Variants in SMYD1 observed in about 807,000 individuals in gnomAD.
The protein encoded by SMYD1 is SET and MYND domain containing 1.
A neutral mutation model predicts 54.0 loss-of-function variants in SMYD1; 49 were observed. That is an observed-to-expected ratio of 0.91 (90% confidence interval 0.72 to 1.15). The LOEUF is 1.15. SMYD1 is among the 50% of genes most tolerant of loss of function. The pLI, the probability that SMYD1 is intolerant of heterozygous loss-of-function variation, is 0.00. For synonymous variants in SMYD1, 269 were observed against 234.2 expected, an observed-to-expected ratio of 1.15 and a Z score of -1.36; for missense variants, 653 against 639.6, an observed-to-expected ratio of 1.02 and a Z score of -0.23.
chr2:88,068,002 G>C lies in SMYD1; in HGVS notation c.137+1G>C. The C allele has an allele frequency of 5.0e-6, 8 of 1,612,404 alleles. No homozygotes were observed. The highest frequency in any genetic ancestry group is 6.8e-6 in the Non-Finnish European group (8 of 1,179,414). ...CTTATTCCGCAGTGGTTTTTGACAGGTATGAAATGTGGGGAGTTGCCTTCT... is the reference window on the plus strand; with the variant it reads ...CTTATTCCGCAGTGGTTTTTGACAGCTATGAAATGTGGGGAGTTGCCTTCT... On this transcript the variant is annotated splice_donor_variant, in intron 1 of 9. Transcript: ENST00000419482. LOFTEE classifies it high-confidence loss of function.
chr2:88,096,520 T>C lies in SMYD1; in HGVS notation c.699-75T>C, dbSNP rs932290397. ...TCATTGTCTTTGAGACCCAACTCCA[T>C]GAAGCCTTGGAGAGCACGGATCCCA... is the stretch of plus-strand genomic sequence containing the variant. On this transcript the variant is annotated intron_variant, in intron 5 of 9. Transcript: ENST00000419482. 4.3e-5 allele frequency: 57 copies of C among 1,316,524 alleles called. No individual in the cohort carries two copies. In the Admixed American group the frequency reaches 1.2e-3, roughly 29 times the overall value. The allele number at this position is 1,316,524 out of a possible 1,614,324, so 81.6% of individuals were successfully genotyped here.
chr2:88,077,403 G>A (rs6718366), intron 1 of SMYD1, among the ~76,000 whole-genome samples: 5,843 of 152,324 alleles, frequency 0.038, 169 homozygotes, highest in Admixed American at 0.053. Flanking sequence ...CCGGCGTCAG[G>A]GACCCTTAAG....
rs756217978 is a variant in SMYD1 at position 88,074,662 on chromosome 2, A to T, written c.137+6661A>T. ...AAGGACAGTTAGTGGATTTTTTTTT[A>T]AAAGTTCTTTAAATAAAAACTTGAG... On this transcript the variant is annotated intron_variant, in intron 1 of 9. Transcript: ENST00000419482. 2.1e-4 allele frequency among the ~76,000 whole-genome samples: 32 copies of T among 152,304 alleles called. 1 individual carries two copies. Among genetic ancestry groups the T allele is most frequent in the South Asian group, 1.7e-3 (8 of 4,824 alleles).
intron 6 of SMYD1, among the ~76,000 whole-genome samples, chr2:88,098,979 G>A (rs1397942289): frequency 6.6e-6 from 1 of 152,148 alleles, no homozygotes; most frequent in East Asian, 1.9e-4. Context: ...TTTAAAACGG[G>A]AAAATAATAG....
chr2:88,079,658 A>G (rs1350760407), intron 1 of SMYD1, among the ~76,000 whole-genome samples: 1 of 152,086 alleles, frequency 6.6e-6, no homozygotes, highest in Non-Finnish European at 1.5e-5. Context: ...CGTCTGTACT[A>G]AAAAATACAA....
chr2:88,091,266 G>C, intron 4 of SMYD1, 124 bp downstream of exon 4: 1 of 1,024,186 alleles, frequency 9.8e-7, no homozygotes, highest in Non-Finnish European at 1.4e-6. Flanking sequence ...TAAATGTATA[G>C]CACATAGAAA....
intron 9 of SMYD1, among the ~76,000 whole-genome samples, chr2:88,109,561 G>A (rs538800182): frequency 6.6e-6 from 1 of 152,272 alleles, no homozygotes; most frequent in Admixed American, 6.5e-5. Context: ...TGGTTTATTT[G>A]AGAGTGACAG....
chr2:88,089,788 C>T (rs1674423561), intron 3 of SMYD1, among the ~76,000 whole-genome samples: 1 of 151,422 alleles, frequency 6.6e-6, no homozygotes, highest in East Asian at 1.9e-4. Context: ...AGCAGGGTTT[C>T]ACCATATTGC....
intron 1 of SMYD1, among the ~76,000 whole-genome samples, chr2:88,073,060 C>T (rs569988153): frequency 1.3e-5 from 2 of 152,116 alleles, no homozygotes; most frequent in Non-Finnish European, 2.9e-5. Context: ...TCACCCTCTC[C>T]CTCCCTCTCC....
chr2:88,093,424 C>A, intron 4 of SMYD1, 93 bp from the exon 5 acceptor site: 7 of 1,454,580 alleles, frequency 4.8e-6, no homozygotes, highest in Non-Finnish European at 6.8e-6. Flanking sequence ...AGCTTTGATA[C>A]TGTGACCCAG....
intron 1 of SMYD1, chr2:88,083,220 G>C (rs927898144): frequency 6.6e-6 from 1 of 152,122 alleles, no homozygotes; most frequent in Non-Finnish European, 1.5e-5. Flanking sequence ...TGCTTCAGAG[G>C]TGAGGATTTC....
chr2:88,074,682 C>T (rs1006238118), intron 1 of SMYD1, among the ~76,000 whole-genome samples: 2 of 152,000 alleles, frequency 1.3e-5, no homozygotes, highest in African/African-American at 4.8e-5. Context: ...TAAATAAAAA[C>T]TTGAGCAGTC....
intron 9 of SMYD1, 118 bp from the exon 10 acceptor site, chr2:88,110,235 AT>A: frequency 2.3e-6 from 1 of 427,112 alleles, no homozygotes; most frequent in South Asian, 2.3e-5. Flanking sequence ...GTGTGTGTGT[AT>A]TCTGAGGGGG....
At position 88,112,574 on chromosome 2, in the gene SMYD1, T is replaced by G. The variant is rs1381055272; in HGVS notation, c.*2062T>G. The G allele has an allele frequency of 1.2e-5, 2 of 170,720 alleles. No individual in the cohort carries two copies. Among genetic ancestry groups the G allele is most frequent in the Admixed American group, 5.7e-5 (1 of 17,686 alleles). The allele number at this position is 170,720 out of a possible 1,614,324, so 10.6% of individuals were successfully genotyped here. A position where few individuals can be genotyped will look rare whatever the true frequency, so the allele number is the denominator to read the frequency against. On this transcript the variant is annotated 3_prime_UTR_variant, in exon 10 of 10. Coordinates refer to ENST00000419482, the MANE Select transcript of SMYD1 (RefSeq NM_198274.4). ...TTGGATCTTAATCTTCATGACTGAGTTTTTTTTAGTTGTATAGTTATCATC... is the reference window on the plus strand; with the variant it reads ...TTGGATCTTAATCTTCATGACTGAGGTTTTTTTAGTTGTATAGTTATCATC...
rs73947535 is a variant in SMYD1, at chr2:88,092,205, G to A, written c.659+1063G>A. On this transcript the variant is annotated intron_variant, in intron 4 of 9. Coordinates refer to ENST00000419482, the MANE Select transcript of SMYD1 (RefSeq NM_198274.4). The stretch of plus-strand genomic sequence containing the variant: ...CCAAACCCCAACCAGAAGCCAGACC[G>A]CAAAGAAACCTGGGTGACGCAACCC... Among the ~76,000 whole-genome samples, 1,336 of 152,158 alleles carry A rather than the reference G, an allele frequency of 8.8e-3. 26 individuals are homozygous for A. Among genetic ancestry groups the A allele is most frequent in the African/African-American group, 0.031 (1,275 of 41,516 alleles).
At chr2:88,104,267 C>CATTTCT (rs1674804644) in intron 7 of SMYD1, among the ~76,000 whole-genome samples, 1 of 152,052 alleles carries the variant, frequency 6.6e-6, no homozygotes, top group Non-Finnish European at 1.5e-5. Context: ...CGCCTGGCCT[C>CATTTCT]ATTTCTATTT....
chr2:88,074,625 T>C (rs536460427), intron 1 of SMYD1, among the ~76,000 whole-genome samples: 13 of 152,354 alleles, frequency 8.5e-5, no homozygotes, highest in Non-Finnish European at 1.5e-4. Flanking sequence ...ACAAAATATG[T>C]TAAGAAGGAG....
chr2:88,079,003 G>A (rs1674129042), intron 1 of SMYD1, among the ~76,000 whole-genome samples: 1 of 152,244 alleles, frequency 6.6e-6, no homozygotes, highest in African/African-American at 2.4e-5. Flanking sequence ...GAACTATTTG[G>A]TGGTTCATAT....
chr2:88,109,806 C>T (rs937399366), intron 9 of SMYD1, among the ~76,000 whole-genome samples: 21 of 152,102 alleles, frequency 1.4e-4, no homozygotes, highest in African/African-American at 4.1e-4. Context: ...TTTAGGGTAC[C>T]GAGCCTGTCA....
Sources: gnomAD v4.1 joint callset for allele counts (sites outside exome capture counted in the v4.1 genomes callset) on GRCh38, gnomAD v4.1.1 for gene constraint, MANE v1.5 for transcripts, NCBI Gene and HGNC (gene_info 2026-07-23, HGNC 2026-07-21) for gene names.